Variants in SERPINI1 observed in about 807,000 individuals in gnomAD.
SERPINI1 encodes serpin family I member 1, also known as neuroserpin.
A neutral mutation model predicts 41.1 loss-of-function variants in SERPINI1; 19 were observed. That is an observed-to-expected ratio of 0.46 (90% CI 0.32 to 0.68). The LOEUF is 0.68. Ranked by LOEUF, SERPINI1 falls within the 30% of genes least tolerant of loss-of-function variation. The pLI, the probability that SERPINI1 is intolerant of heterozygous loss-of-function variation, is 0.03. For missense variants in SERPINI1, 460 were observed against 479.2 expected, an observed-to-expected ratio of 0.96 and a Z score of 0.37; for synonymous variants, 138 against 156.6, an observed-to-expected ratio of 0.88 and a Z score of 0.89.
intron 1 of SERPINI1, among the ~76,000 whole-genome samples, chr3:167,748,397 A>G (rs573331104): frequency 6.6e-6 from 1 of 152,318 alleles, no homozygotes; most frequent in Admixed American, 6.5e-5. Context: ...AAGGTAATTT[A>G]TATTGATAAA....
chr3:167,822,210 A>G (rs1712357508), intron 6 of SERPINI1, among the ~76,000 whole-genome samples: 1 of 152,200 alleles, frequency 6.6e-6, no homozygotes, highest in African/African-American at 2.4e-5. Flanking sequence ...CGCTAGTCAT[A>G]TTGGATTAGG....
chr3:167,744,783 T>C (rs1205893730), intron 1 of SERPINI1, among the ~76,000 whole-genome samples: 13 of 104,092 alleles, frequency 1.2e-4, no homozygotes, highest in South Asian at 7.8e-4. Flanking sequence ...TATATATAAC[T>C]ATGGTTATAT....
intron 1 of SERPINI1, among the ~76,000 whole-genome samples, chr3:167,744,737 A>G (rs1365964960): frequency 4.8e-5 from 6 of 125,916 alleles, no homozygotes; most frequent in Non-Finnish European, 8.1e-5. Flanking sequence ...AAATATATAT[A>G]TTATATATAA....
intron 1 of SERPINI1, among the ~76,000 whole-genome samples, chr3:167,761,063 CAG>C (rs1294333857): frequency 6.6e-6 from 1 of 152,134 alleles, no homozygotes; most frequent in Non-Finnish European, 1.5e-5. Context: ...AGGGAGAAAA[CAG>C]TGCCTCATAT....
chr3:167,771,338 A>C (rs1002709763), intron 1 of SERPINI1, among the ~76,000 whole-genome samples: 1 of 152,176 alleles, frequency 6.6e-6, no homozygotes, highest in Non-Finnish European at 1.5e-5. Flanking sequence ...TTTTTAAATG[A>C]GAAGATTCTT....
chr3:167,790,737 GTA>G, intron 3 of SERPINI1, 135 bp downstream of exon 3: 1 of 685,618 alleles, frequency 1.5e-6, no homozygotes. Context: ...TAATTATTTT[GTA>G]TAGATTATGG....
At chr3:167,735,881 T>A (rs529730729) in intron 1 of SERPINI1, 58 bp downstream of exon 1, 1 of 152,126 alleles carries the variant, frequency 6.6e-6, no homozygotes, top group South Asian at 2.1e-4. Context: ...CGTCTTCCAA[T>A]AGGAATTACA....
chr3:167,774,521 C>T (rs1372716294), intron 1 of SERPINI1, among the ~76,000 whole-genome samples: 1 of 152,092 alleles, frequency 6.6e-6, no homozygotes, highest in East Asian at 1.9e-4. Context: ...GTCCCCAATC[C>T]CTGGGCCATG....
At chr3:167,818,153 G>T (rs1215902189) in intron 6 of SERPINI1, among the ~76,000 whole-genome samples, 1 of 151,678 alleles carries the variant, frequency 6.6e-6, no homozygotes, top group African/African-American at 2.4e-5. Context: ...AGCCTCCCTA[G>T]CAGCTGGGAT....
intron 1 of SERPINI1, among the ~76,000 whole-genome samples, chr3:167,783,550 G>C (rs1727209814): frequency 6.6e-6 from 1 of 152,158 alleles, no homozygotes; most frequent in Non-Finnish European, 1.5e-5. Context: ...TGTTTTGAGA[G>C]TTCACCAGTG....
At chr3:167,796,377 G>A (rs910917075) in intron 5 of SERPINI1, among the ~76,000 whole-genome samples, 5 of 151,244 alleles carry the variant, frequency 3.3e-5, no homozygotes, top group East Asian at 3.9e-4. Context: ...TTAAGGTCTG[G>A]TATATATGTG....
At chr3:167,788,267 G>A (rs1400312279) in intron 1 of SERPINI1, among the ~76,000 whole-genome samples, 1 of 152,090 alleles carries the variant, frequency 6.6e-6, no homozygotes, top group East Asian at 1.9e-4. Flanking sequence ...GGGCACTGAC[G>A]GTGCTTTTTT....
At chr3:167,768,435 C>T (rs1726634704) in intron 1 of SERPINI1, among the ~76,000 whole-genome samples, 1 of 152,140 alleles carries the variant, frequency 6.6e-6, no homozygotes, top group Non-Finnish European at 1.5e-5. Flanking sequence ...GTGTTATTAA[C>T]TTTATTGTGG....
intron 6 of SERPINI1, among the ~76,000 whole-genome samples, chr3:167,820,161 G>A (rs534097820): frequency 3.9e-4 from 60 of 152,258 alleles, no homozygotes; most frequent in African/African-American, 1.3e-3. Context: ...GTAGATGGCC[G>A]TCTGTCCCCT....
At chr3:167,803,185 G>A (rs1369621716) in intron 5 of SERPINI1, among the ~76,000 whole-genome samples, 1 of 151,816 alleles carries the variant, frequency 6.6e-6, no homozygotes, top group Non-Finnish European at 1.5e-5. Context: ...TAGATGACGA[G>A]TTAGTGGGTG....
At chr3:167,784,786 G>T (rs1294406218) in intron 1 of SERPINI1, among the ~76,000 whole-genome samples, 1 of 152,112 alleles carries the variant, frequency 6.6e-6, no homozygotes, top group Non-Finnish European at 1.5e-5. Flanking sequence ...GGATTATGGG[G>T]ATTACAATTC....
At chr3:167,753,038 G>A (rs1246569432) in intron 1 of SERPINI1, among the ~76,000 whole-genome samples, 1 of 152,108 alleles carries the variant, frequency 6.6e-6, no homozygotes, top group Non-Finnish European at 1.5e-5. Context: ...TTTAATGTAA[G>A]CTCTGTGAAG....
At chr3:167,774,033 A>G (rs1290935652) in intron 1 of SERPINI1, among the ~76,000 whole-genome samples, 3 of 150,074 alleles carry the variant, frequency 2.0e-5, no homozygotes, top group East Asian at 1.9e-4. Context: ...CATTTCTACC[A>G]CAAGTTTTTT....
Position 167,788,263 on chromosome 3 carries a change from T to C in SERPINI1, c.-18-848T>C, listed in dbSNP as rs113514954. Among the ~76,000 whole-genome samples, 418 of 152,344 alleles carry C rather than the reference T, an allele frequency of 2.7e-3. 3 individuals are homozygous for C. Among genetic ancestry groups the C allele is most frequent in the African/African-American group, 9.5e-3 (394 of 41,578 alleles). ...ATATTATTCAGAGATATCTGGGCAC[T>C]GACGGTGCTTTTTTTTCTCCAAGAG... On this transcript the variant is annotated intron_variant, in intron 1 of 8. Coordinates refer to ENST00000446050, the MANE Select transcript of SERPINI1 (RefSeq NM_001122752.2).
Sources: gnomAD v4.1 joint callset for allele counts (sites outside exome capture counted in the v4.1 genomes callset) on GRCh38, gnomAD v4.1.1 for gene constraint, MANE v1.5 for transcripts, NCBI Gene and HGNC (gene_info 2026-07-23, HGNC 2026-07-21) for gene names.